DIP2C: variants seen among roughly 807,000 people sequenced by gnomAD.
DIP2C encodes the protein disco-interacting protein 2 homolog C.
Under a neutral mutation model 192.4 loss-of-function variants are expected in DIP2C, and 33 were observed. That is an observed-to-expected ratio of 0.17 (90% confidence interval 0.13 to 0.23). The LOEUF (loss-of-function observed/expected upper bound fraction) is 0.23, where lower values mean the gene tolerates loss of function less well. DIP2C is among the 10% of genes least tolerant of loss of function. The pLI, the probability that DIP2C is intolerant of heterozygous loss-of-function variation, is 1.00. For synonymous variants in DIP2C, 979 were observed against 864.1 expected (o/e 1.13, Z -2.33); for missense variants, 1,537 against 2,110.1 (o/e 0.73, Z 5.32).
At chr10:640,250 C>T (rs932782130) in intron 1 of DIP2C, among the ~76,000 whole-genome samples, 1 of 152,332 alleles carries the variant, frequency 6.6e-6, no homozygotes, top group East Asian at 1.9e-4. Context: ...CAGGCACGGC[C>T]GCCCCGCCCA....
intron 21 of DIP2C, among the ~76,000 whole-genome samples, chr10:362,935 T>C (rs760160607): frequency 2.0e-5 from 3 of 152,136 alleles, no homozygotes; most frequent in Non-Finnish European, 2.9e-5. Context: ...AAAGATAACA[T>C]GTTCTCAAGA....
intron 1 of DIP2C, among the ~76,000 whole-genome samples, chr10:607,216 G>A (rs569151701): frequency 1.3e-5 from 2 of 152,330 alleles, no homozygotes; most frequent in East Asian, 3.9e-4. Context: ...AAGCCTCGAA[G>A]ACACCAGTGA....
At chr10:507,490 T>G (rs540781654) in intron 1 of DIP2C, among the ~76,000 whole-genome samples, 12 of 144,020 alleles carry the variant, frequency 8.3e-5, no homozygotes, top group Middle Eastern at 4.6e-3. Flanking sequence ...CGCTGTGCAC[T>G]ATCAGAGGTG....
chr10:455,085 G>T (rs1481273774), intron 3 of DIP2C, among the ~76,000 whole-genome samples: 1 of 152,192 alleles, frequency 6.6e-6, no homozygotes, highest in Non-Finnish European at 1.5e-5. Context: ...CAACAGAAGA[G>T]AATGTTCCTC....
intron 23 of DIP2C, among the ~76,000 whole-genome samples, chr10:357,007 TAAAC>T (rs913778973): frequency 6.6e-6 from 1 of 152,194 alleles, no homozygotes; most frequent in African/African-American, 2.4e-5. Flanking sequence ...AGCCACAAAT[TAAAC>T]AAACCACATG....
In DIP2C at chr10:408,941, G is replaced by A; in HGVS notation, c.1134C>T (p.Val378=). 6.2e-7 allele frequency: 1 copy of A among 1,614,222 alleles called. No individual in the cohort carries two copies. Among genetic ancestry groups the A allele is most frequent in the African/African-American group, 1.3e-5 (1 of 75,052 alleles). ...HKLGTKQEPM[V]RPGDRVALVF... is the part of the protein sequence containing the mutation. ...TTGCACTTACCCTATCTCCAGGCCG[G>A]ACCATGGGTTCCTGCTTTGTGCCTA... The change falls in exon 9 of 37, where the codon GTC becomes GTT. Residue 378 remains valine, a synonymous_variant. Transcript: ENST00000280886.
chr10:591,765 C>CA (rs1221062388), intron 1 of DIP2C, among the ~76,000 whole-genome samples: 12 of 152,148 alleles, frequency 7.9e-5, no homozygotes, highest in African/African-American at 1.9e-4. Context: ...GGGACCAACA[C>CA]AAAGGTACCA....
In DIP2C at chr10:277,407, C is replaced by T. The variant is rs1165764336; in HGVS notation, c.4589G>A (p.Arg1530His). Reference protein sequence around the residue: ...VDIGVIPINSRGEKQRMHLRD... With the variant: ...VDIGVIPINSHGEKQRMHLRD... ...CAGGTGCATGCGCTGCTTCTCCCCA[C>T]GGGAGTTGATGGGGATGACGCCGAT... The change falls in exon 37 of 37, where the codon CGT becomes CAT. Residue 1530 changes from arginine to histidine, a missense_variant. Physicochemically the swap from Arg to His is conservative, Grantham distance 29. This residue lies in a region of DIP2C where 341 missense variants were observed against 551.7 expected (regional missense o/e 0.62). Transcript: ENST00000280886. 1.2e-6 allele frequency: 2 copies of T among 1,614,066 alleles called. No homozygotes were observed. Among genetic ancestry groups the T allele is most frequent in the African/African-American group, 1.3e-5 (1 of 74,918 alleles).
intron 1 of DIP2C, among the ~76,000 whole-genome samples, chr10:506,006 G>A (rs1314627980): frequency 6.6e-6 from 1 of 152,100 alleles, no homozygotes; most frequent in Non-Finnish European, 1.5e-5. Context: ...AGGAACGCAG[G>A]TGACAAAAGG....
chr10:505,019 C>T (rs1338021586), intron 1 of DIP2C, among the ~76,000 whole-genome samples: 1 of 152,188 alleles, frequency 6.6e-6, no homozygotes, highest in African/African-American at 2.4e-5. Flanking sequence ...CGTGAACCCG[C>T]GGGATCCCCA....
chr10:356,051 G>C (rs1045442100), intron 24 of DIP2C, among the ~76,000 whole-genome samples: 1 of 152,210 alleles, frequency 6.6e-6, no homozygotes, highest in Non-Finnish European at 1.5e-5. Flanking sequence ...CTGAACTCTA[G>C]CCTGGGCAAC....
intron 1 of DIP2C, among the ~76,000 whole-genome samples, chr10:488,727 C>T (rs181821053): frequency 7.9e-5 from 12 of 152,344 alleles, no homozygotes; most frequent in African/African-American, 1.4e-4. Context: ...TGGGTACCCA[C>T]GGCATAAATC....
At chr10:460,835 C>CA (rs1192374138) in intron 3 of DIP2C, among the ~76,000 whole-genome samples, 14 of 152,128 alleles carry the variant, frequency 9.2e-5, no homozygotes, top group African/African-American at 3.1e-4. Flanking sequence ...AAGGGAAGCT[C>CA]ATCAGACTAA....
intron 2 of DIP2C, among the ~76,000 whole-genome samples, chr10:480,196 G>A (rs748601409): frequency 2.7e-5 from 4 of 146,662 alleles, no homozygotes; most frequent in Non-Finnish European, 5.9e-5. Flanking sequence ...CATGCTCACT[G>A]GATGAGGGTC....
chr10:413,948 T>C lies in DIP2C; in HGVS notation c.1022A>G (p.Asp341Gly), dbSNP rs1965361816. The C allele has an allele frequency of 6.2e-7, 1 of 1,614,046 alleles. No individual in the cohort carries two copies. Among genetic ancestry groups the C allele is most frequent in the Non-Finnish European group, 8.5e-7 (1 of 1,180,022 alleles). ...SPKAPCLTTM[D>G]TNGKPLYILT... is the part of the protein sequence containing the mutation. ...GATGTAGAGGGGCTTCCCGTTGGTGTCCATGGTGGTCAGGCAGGGCGCCTT... is the reference window on the plus strand; with the variant it reads ...GATGTAGAGGGGCTTCCCGTTGGTGCCCATGGTGGTCAGGCAGGGCGCCTT... Residue 341 changes from aspartate to glycine, a missense_variant, in exon 8 of 37, where the codon GAC becomes GGC. Physicochemically the swap from Asp to Gly is moderately conservative, Grantham distance 94 (BLOSUM62 -1). Transcript: ENST00000280886.
intron 1 of DIP2C, among the ~76,000 whole-genome samples, chr10:604,165 C>G (rs1409463347): frequency 4.6e-5 from 7 of 152,030 alleles, no homozygotes; most frequent in Admixed American, 4.6e-4. Context: ...GGGTCCTCCC[C>G]CATCTCACTG....
At chr10:425,577 G>A (rs1380913283) in intron 4 of DIP2C, among the ~76,000 whole-genome samples, 2 of 141,898 alleles carry the variant, frequency 1.4e-5, no homozygotes, top group African/African-American at 2.5e-5. Context: ...ATGACCAGCA[G>A]TGACTAATAT....
chr10:422,267 G>A (rs977920836), intron 5 of DIP2C, among the ~76,000 whole-genome samples: 12 of 152,164 alleles, frequency 7.9e-5, no homozygotes, highest in Admixed American at 2.0e-4. Context: ...CGCTCCCCAC[G>A]TGCCAGCTCT....
At chr10:563,755 C>G (rs1348493174) in intron 1 of DIP2C, among the ~76,000 whole-genome samples, 1 of 152,200 alleles carries the variant, frequency 6.6e-6, no homozygotes, top group Non-Finnish European at 1.5e-5. Flanking sequence ...GATTATTAGT[C>G]TTTCGGTGAG....
Sources: gnomAD v4.1 joint callset for allele counts (sites outside exome capture counted in the v4.1 genomes callset) on GRCh38, gnomAD v4.1.1 for gene constraint, gnomAD v4.1.1 regional missense constraint, MANE v1.5 for transcripts, NCBI Gene and HGNC (gene_info 2026-07-23, HGNC 2026-07-21) for gene names.